CHSY1: variants seen among roughly 807,000 people sequenced by gnomAD.
The protein encoded by CHSY1 is N-acetylgalactosaminyl-proteoglycan 3-beta-glucuronosyltransferase 1.
A neutral mutation model predicts 59.8 loss-of-function variants in CHSY1; 13 were observed. The observed-to-expected ratio is 0.22, with a 90% CI of 0.14 to 0.35. The LOEUF (loss-of-function observed/expected upper bound fraction) is 0.35, where lower values mean the gene tolerates loss of function less well. Ranked by LOEUF, CHSY1 falls within the 10% of genes least tolerant of loss-of-function variation. The pLI, the probability that CHSY1 is intolerant of heterozygous loss-of-function variation, is 1.00. For synonymous variants in CHSY1, 459 were observed against 401.2 expected, an observed-to-expected ratio of 1.14 and a Z score of -1.72; for missense variants, 947 against 1,030.6, an observed-to-expected ratio of 0.92 and a Z score of 1.11.
At chr15:101,200,863 C>T (rs908942985) in intron 2 of CHSY1, among the ~76,000 whole-genome samples, 1 of 152,158 alleles carries the variant, frequency 6.6e-6, no homozygotes, top group Admixed American at 6.5e-5. Flanking sequence ...CCCCTTAGGT[C>T]TCCTCACATT....
intron 2 of CHSY1, among the ~76,000 whole-genome samples, chr15:101,217,998 C>T (rs1260771625): frequency 6.6e-6 from 1 of 152,202 alleles, no homozygotes; most frequent in Non-Finnish European, 1.5e-5. Flanking sequence ...ACGGTACGTA[C>T]CCTTGATATG....
chr15:101,177,055 CAAT>C lies in CHSY1; in HGVS notation c.*330_*332del, dbSNP rs2038199835. The C allele has an allele frequency of 4.8e-6, 1 of 207,342 alleles. No individual in the cohort carries two copies. The highest frequency in any genetic ancestry group is 2.3e-5 in the African/African-American group (1 of 42,944). The allele number at this position is 207,342 out of a possible 1,614,324, so 12.8% of individuals were successfully genotyped here. ...TTACCAGAGTTACAGTGTTTTGTTA[CAAT>C]AATACTTTGCAGGAATGTTCACGTT... On this transcript the variant is annotated 3_prime_UTR_variant, in exon 3 of 3. Transcript: ENST00000254190.
intron 2 of CHSY1, among the ~76,000 whole-genome samples, chr15:101,232,314 T>TA (rs746147614): frequency 6.6e-5 from 10 of 152,200 alleles, no homozygotes; most frequent in Non-Finnish European, 1.2e-4. Flanking sequence ...ACAGGAAGTT[T>TA]AATAAAAGTT....
Position 101,251,350 on chromosome 15 carries a change from C to G in CHSY1, c.107G>C (p.Arg36Pro). The G allele has an allele frequency of 8.7e-7, 1 of 1,144,416 alleles. No homozygotes were observed. Among genetic ancestry groups the G allele is most frequent in the Non-Finnish European group, 1.1e-6 (1 of 915,758 alleles). The allele number at this position is 1,144,416 out of a possible 1,614,324, so 70.9% of individuals were successfully genotyped here. ...GCTGGCGCGGCGCCGTGGGCCCGCT[C>G]GCTTCAGCTCGGAAGCCCGGGGCAG... ...LVLPRASELK[R>P]AGPRRRASPE... is the part of the protein sequence containing the mutation. The change falls in exon 1 of 3, where the codon CGA becomes CCA. Residue 36 changes from arginine to proline, a missense_variant. Coordinates refer to ENST00000254190, the MANE Select transcript of CHSY1 (RefSeq NM_014918.5).
intron 2 of CHSY1, among the ~76,000 whole-genome samples, chr15:101,224,076 T>G (rs535762898): frequency 1.3e-5 from 2 of 152,380 alleles, no homozygotes; most frequent in African/African-American, 4.8e-5. Flanking sequence ...CTGTACAGGT[T>G]TGTAGCCTAG....
At chr15:101,228,403 CA>C (rs2038861714) in intron 2 of CHSY1, among the ~76,000 whole-genome samples, 1 of 152,054 alleles carries the variant, frequency 6.6e-6, no homozygotes, top group Admixed American at 6.5e-5. Context: ...ATGATAAACT[CA>C]AAGGGATCAC....
At chr15:101,242,119 T>G (rs933287893) in intron 1 of CHSY1, among the ~76,000 whole-genome samples, 16 of 152,202 alleles carry the variant, frequency 1.1e-4, no homozygotes, top group African/African-American at 3.6e-4. Flanking sequence ...ATGTAGCAGA[T>G]AGCAGGGCCA....
chr15:101,183,713 G>C (rs959337861), intron 2 of CHSY1, among the ~76,000 whole-genome samples: 13 of 152,242 alleles, frequency 8.5e-5, no homozygotes, highest in African/African-American at 3.1e-4. Context: ...GCGGGAACAC[G>C]TGCAAACGGG....
intron 2 of CHSY1, among the ~76,000 whole-genome samples, chr15:101,185,185 C>G (rs2038339490): frequency 6.6e-6 from 1 of 152,096 alleles, no homozygotes; most frequent in Non-Finnish European, 1.5e-5. Flanking sequence ...GATGGAGAGG[C>G]AGAAATCAAA....
Position 101,235,127 on chromosome 15 carries a change from C to T in CHSY1, c.771G>A (p.Arg257=), listed in dbSNP as rs1260553990. ...GCACCCCTGCAAACCTCCGGACACA[C>T]CTTCCCACCTCCACGTCCTCATGGG... is the stretch of plus-strand genomic sequence containing the variant. The part of the protein sequence containing the change: ...YTTHEDVEVG[R]CVRRFAGVQC... Residue 257 remains arginine, a synonymous_variant, in exon 2 of 3, where the codon AGG becomes AGA. Transcript: ENST00000254190. The T allele has an allele frequency of 8.1e-6, 13 of 1,614,040 alleles. No individual in the cohort carries two copies. The highest frequency in any genetic ancestry group is 2.2e-5 in the East Asian group (1 of 44,898).
intron 2 of CHSY1, among the ~76,000 whole-genome samples, chr15:101,225,495 GT>G (rs776904940): frequency 1.3e-5 from 2 of 152,186 alleles, no homozygotes; most frequent in Non-Finnish European, 2.9e-5. Flanking sequence ...GTGGGTCCTG[GT>G]GGGAGGAACT....
chr15:101,192,621 G>C (rs549563444), intron 2 of CHSY1, among the ~76,000 whole-genome samples: 1 of 152,276 alleles, frequency 6.6e-6, no homozygotes, highest in Non-Finnish European at 1.5e-5. Context: ...CCTTCAAAGA[G>C]GATCAACTAG....
intron 2 of CHSY1, among the ~76,000 whole-genome samples, chr15:101,221,997 G>A (rs900936472): frequency 6.6e-6 from 1 of 152,094 alleles, no homozygotes; most frequent in East Asian, 1.9e-4. Flanking sequence ...CTGAGTGAAC[G>A]CTGAAAGATC....
chr15:101,240,818 G>C (rs887776637), intron 1 of CHSY1, among the ~76,000 whole-genome samples: 3 of 152,116 alleles, frequency 2.0e-5, no homozygotes, highest in Admixed American at 2.0e-4. Flanking sequence ...GGCATAAATG[G>C]GTTAATATCA....
rs1317819463 is a variant in CHSY1 at position 101,235,307 on chromosome 15, C to T, written c.591G>A (p.Gly197=). The change falls in exon 2 of 3, where the codon GGG becomes GGA. Residue 197 remains glycine, a synonymous_variant. Coordinates refer to ENST00000254190, the MANE Select transcript of CHSY1 (RefSeq NM_014918.5). ...SLNSSEPLFL[G]QTGLGTTEEM... ...CTTCCGTGGTGCCCAGGCCTGTCTG[C>T]CCAAGAAAGAGGGGCTCGCTGCTGT... 9 of 1,614,074 alleles carry T rather than the reference C, an allele frequency of 5.6e-6. No individual in the cohort carries two copies. In the South Asian group the frequency reaches 6.6e-5, roughly 12 times the overall value.
chr15:101,204,312 T>C (rs2038602504), intron 2 of CHSY1, among the ~76,000 whole-genome samples: 1 of 151,904 alleles, frequency 6.6e-6, no homozygotes, highest in Admixed American at 6.6e-5. Context: ...CGTGCACCTG[T>C]AATCCCAGCT....
At chr15:101,181,444 G>A (rs974482292) in intron 2 of CHSY1, among the ~76,000 whole-genome samples, 1 of 152,146 alleles carries the variant, frequency 6.6e-6, no homozygotes, top group Non-Finnish European at 1.5e-5. Flanking sequence ...CCATTTCCAA[G>A]AGTGTAAACA....
intron 1 of CHSY1, 30 bp downstream of exon 1, chr15:101,251,106 AG>A (rs1224572076): frequency 6.5e-7 from 1 of 1,544,452 alleles, no homozygotes; most frequent in African/African-American, 1.4e-5. Flanking sequence ...TGCCGGACGC[AG>A]GAGGCGGTGC....
intron 2 of CHSY1, chr15:101,187,797 T>C (rs532548390): frequency 6.5e-6 from 1 of 153,112 alleles, no homozygotes; most frequent in African/African-American, 2.4e-5. Flanking sequence ...CCCTTAATCT[T>C]TGTTATAAAA....
Sources: allele counts gnomAD v4.1 joint callset (sites outside exome capture counted in the v4.1 genomes callset), GRCh38; gene constraint gnomAD v4.1.1; transcripts MANE v1.5; gene names NCBI Gene and HGNC (gene_info 2026-07-23, HGNC 2026-07-21).